Variants in DPP6 observed in about 807,000 individuals in gnomAD.
The protein encoded by DPP6 is A-type potassium channel modulatory protein DPP6.
Under a neutral mutation model 122.6 loss-of-function variants are expected in DPP6, and 69 were observed. The ratio of observed to expected loss-of-function variants is 0.56; its 90% CI spans 0.46 to 0.69. The LOEUF is 0.69. Ranked by LOEUF, DPP6 falls within the 30% of genes least tolerant of loss-of-function variation. The probability of loss-of-function intolerance (pLI) is 0.00; values close to 1 mark genes in which losing one functional copy is unlikely to be tolerated. For missense variants in DPP6, 928 were observed against 1,116.9 expected, an observed-to-expected ratio of 0.83 and a Z score of 2.41; for synonymous variants, 418 against 433.1, an observed-to-expected ratio of 0.97 and a Z score of 0.43.
chr7:153,762,435 G>T, the DPP6 span, among the ~76,000 whole-genome samples: 1 of 152,080 alleles, frequency 6.6e-6, no homozygotes, highest in Non-Finnish European at 1.5e-5. Flanking sequence ...TGTAATACAG[G>T]TGTTATTCAT....
intron 6 of DPP6, among the ~76,000 whole-genome samples, chr7:154,662,071 G>T (rs1212001239): frequency 6.6e-6 from 1 of 150,460 alleles, no homozygotes; most frequent in Non-Finnish European, 1.5e-5. Flanking sequence ...ATGGCGTATT[G>T]GCCATAGTGT....
At chr7:154,050,464 C>T (rs1444958177), upstream of DPP6, among the ~76,000 whole-genome samples, 5 of 152,048 alleles carry the variant, frequency 3.3e-5, no homozygotes, top group South Asian at 2.1e-4. Flanking sequence ...ATAAGTGGGA[C>T]CCTAACTGCA....
At chr7:154,033,354 G>GC (rs1163615173) in intron 1 of DPP6, among the ~76,000 whole-genome samples, 1 of 151,918 alleles carries the variant, frequency 6.6e-6, no homozygotes, top group Non-Finnish European at 1.5e-5. Context: ...TCCTTTCTTT[G>GC]CCCCTCTGCA....
At chr7:154,280,114 G>A (rs1804405255) in intron 1 of DPP6, among the ~76,000 whole-genome samples, 1 of 152,142 alleles carries the variant, frequency 6.6e-6, no homozygotes, top group South Asian at 2.1e-4. Context: ...AATAGCAGAA[G>A]TCACTCTGAA....
intron 1 of DPP6, among the ~76,000 whole-genome samples, chr7:154,078,050 AT>A (rs1803698234): frequency 6.6e-6 from 1 of 152,150 alleles, no homozygotes; most frequent in Non-Finnish European, 1.5e-5. Flanking sequence ...AAACTTAGAT[AT>A]TTCCGACAGT....
At chr7:154,306,829 A>G (rs867791989) in intron 1 of DPP6, among the ~76,000 whole-genome samples, 12 of 152,332 alleles carry the variant, frequency 7.9e-5, no homozygotes, top group Middle Eastern at 3.4e-3. Flanking sequence ...GATGCTCAGT[A>G]TAGCTTGACA....
intron 1 of DPP6, among the ~76,000 whole-genome samples, chr7:153,962,993 C>T (rs572767279): frequency 8.5e-5 from 13 of 152,262 alleles, no homozygotes; most frequent in Admixed American, 8.5e-4. Context: ...TTTTGACTCT[C>T]CTACGAAGAC....
At chr7:154,693,546 C>T (rs1224677577) in intron 7 of DPP6, among the ~76,000 whole-genome samples, 3 of 152,152 alleles carry the variant, frequency 2.0e-5, no homozygotes, top group African/African-American at 4.8e-5. Context: ...TGTCCTCATT[C>T]AGCCGAGCCA....
At chr7:154,272,104 A>G (rs1803834317) in intron 1 of DPP6, among the ~76,000 whole-genome samples, 1 of 152,254 alleles carries the variant, frequency 6.6e-6, no homozygotes, top group Non-Finnish European at 1.5e-5. Context: ...CTTGAGAACA[A>G]GTACCCTGAA....
At chr7:154,756,026 T>C (rs1379014043) in intron 8 of DPP6, among the ~76,000 whole-genome samples, 15 of 152,206 alleles carry the variant, frequency 9.9e-5, no homozygotes, top group Admixed American at 9.8e-4. Context: ...AAAAAAACAA[T>C]GAGCCTTCTT....
chr7:153,977,271 G>A (rs903799155), intron 1 of DPP6, among the ~76,000 whole-genome samples: 49 of 151,822 alleles, frequency 3.2e-4, no homozygotes, highest in Non-Finnish European at 5.9e-5. Flanking sequence ...CCATGACTAC[G>A]TTTGTGTGCA....
At position 154,860,503 on chromosome 7, in the gene DPP6, A is replaced by AG. The variant is rs750967144; in HGVS notation, c.1714+6682dup. Among the ~76,000 whole-genome samples the AG allele has an allele frequency of 1.1e-4, 17 of 152,276 alleles. 1 individual carries two copies. The highest frequency in any genetic ancestry group is 6.2e-4 in the South Asian group (3 of 4,824). ...GGAAAGGATGAGAGTCTGGACCAGC[A>AG]GGGGGGCCTCCAATGAGGGGCTGCC... On this transcript the variant is annotated intron_variant, in intron 17 of 25. Coordinates refer to ENST00000377770, the MANE Select transcript of DPP6 (RefSeq NM_130797.4).
At chr7:153,764,759 C>T in the DPP6 span, among the ~76,000 whole-genome samples, 1 of 151,028 alleles carries the variant, frequency 6.6e-6, no homozygotes, top group Non-Finnish European at 1.5e-5. Flanking sequence ...CAAAATGGCT[C>T]TTGGGATTCC....
the DPP6 span, among the ~76,000 whole-genome samples, chr7:153,880,000 A>G: frequency 1.3e-5 from 2 of 152,186 alleles, no homozygotes; most frequent in Non-Finnish European, 2.9e-5. Context: ...AAATAAATAT[A>G]TACAGATTTT....
intron 3 of DPP6, among the ~76,000 whole-genome samples, chr7:154,504,541 C>T (rs1472898043): frequency 2.0e-5 from 3 of 152,046 alleles, no homozygotes; most frequent in African/African-American, 7.2e-5. Flanking sequence ...GATGTGAGTA[C>T]AAGAATAGAT....
At chr7:154,615,705 A>G (rs1834199061) in intron 5 of DPP6, among the ~76,000 whole-genome samples, 1 of 145,330 alleles carries the variant, frequency 6.9e-6, no homozygotes, top group African/African-American at 2.5e-5. Context: ...TTGTGTAACC[A>G]TCACCACTAT....
At chr7:154,610,602 A>G (rs1833847174) in intron 5 of DPP6, among the ~76,000 whole-genome samples, 1 of 152,138 alleles carries the variant, frequency 6.6e-6, no homozygotes, top group Non-Finnish European at 1.5e-5. Context: ...TCTGTCTTTG[A>G]TAGTGAGGTC....
intron 1 of DPP6, among the ~76,000 whole-genome samples, chr7:154,220,026 T>G (rs1468971891): frequency 1.3e-5 from 2 of 152,214 alleles, no homozygotes; most frequent in African/African-American, 4.8e-5. Flanking sequence ...TCACCTGTGC[T>G]TTATATTCTT....
At position 154,013,315 on chromosome 7, in the gene DPP6, A is replaced by AT. The variant is rs545647614; in HGVS notation, c.51+125585dup. 1.7e-3 allele frequency among the ~76,000 whole-genome samples: 266 copies of AT among 152,330 alleles called. 2 individuals are homozygous for AT. Among genetic ancestry groups the AT allele is most frequent in the African/African-American group, 6.1e-3 (255 of 41,572 alleles). Reference sequence around the variant, plus strand: ...AAGAACCACAAATCTCTCCTACTTCATTTTAATCATTCGATGTTAGATGTA... The same window carrying AT: ...AAGAACCACAAATCTCTCCTACTTCATTTTTAATCATTCGATGTTAGATGTA... On this transcript the variant is annotated intron_variant, in intron 1 of 25. Coordinates refer to the DPP6 transcript ENST00000404039.
Sources: gnomAD v4.1 joint callset for allele counts (sites outside exome capture counted in the v4.1 genomes callset) on GRCh38, gnomAD v4.1.1 for gene constraint, MANE v1.5 for transcripts, NCBI Gene and HGNC (gene_info 2026-07-23, HGNC 2026-07-21) for gene names.